CPQ: variants seen among roughly 807,000 people sequenced by gnomAD.
The protein encoded by CPQ is carboxypeptidase Q.
A neutral mutation model predicts 45.7 loss-of-function variants in CPQ; 37 were observed. That is an observed-to-expected ratio of 0.81 (90% CI 0.62 to 1.07). CPQ has a LOEUF of 1.07. CPQ is among the 50% of genes least tolerant of loss of function. The probability of loss-of-function intolerance (pLI) is 0.00; values close to 1 mark genes in which losing one functional copy is unlikely to be tolerated. For missense variants in CPQ, 537 were observed against 572.9 expected (o/e 0.94, Z 0.64); for synonymous variants, 186 against 205.8 (o/e 0.90, Z 0.82).
chr8:96,809,639 AT>A (rs1811133264), intron 2 of CPQ, among the ~76,000 whole-genome samples: 1 of 152,146 alleles, frequency 6.6e-6, no homozygotes, highest in South Asian at 2.1e-4. Context: ...AGTAATGGAA[AT>A]ATTCTATCTC....
chr8:97,127,284 C>G lies in CPQ; in HGVS notation c.1256-15736C>G, dbSNP rs1445507048. Among the ~76,000 whole-genome samples, 5 of 152,202 alleles carry G rather than the reference C, an allele frequency of 3.3e-5. 1 individual carries two copies. The highest frequency in any genetic ancestry group is 1.2e-4 in the African/African-American group (5 of 41,546). On this transcript the variant is annotated intron_variant, in intron 7 of 7. Transcript: ENST00000220763. ...CAAAGGACTTGTAACTCTCACAACT[C>G]AATTAAAAGGAGACTAACAAGAAAA... is the stretch of plus-strand genomic sequence containing the variant.
intron 1 of CPQ, among the ~76,000 whole-genome samples, chr8:96,734,473 A>C (rs766620850): frequency 2.0e-5 from 3 of 152,148 alleles, no homozygotes; most frequent in Non-Finnish European, 4.4e-5. Context: ...GCACTTTGGG[A>C]GGCCCAGGCG....
intron 4 of CPQ, among the ~76,000 whole-genome samples, chr8:96,911,683 A>G (rs950918825): frequency 2.0e-5 from 3 of 152,176 alleles, no homozygotes; most frequent in Admixed American, 2.0e-4. Context: ...TGGCAACAAA[A>G]CTAAATCTTT....
intron 7 of CPQ, among the ~76,000 whole-genome samples, chr8:97,068,934 C>T (rs1178284876): frequency 6.6e-6 from 1 of 152,210 alleles, no homozygotes; most frequent in Non-Finnish European, 1.5e-5. Context: ...GTCTGGAATG[C>T]TGAGAAGCCT....
chr8:96,708,870 C>G (rs1441895044), intron 1 of CPQ, among the ~76,000 whole-genome samples: 1 of 152,126 alleles, frequency 6.6e-6, no homozygotes, highest in Non-Finnish European at 1.5e-5. Flanking sequence ...GGGAATTCTT[C>G]TTTATCACCC....
intron 3 of CPQ, among the ~76,000 whole-genome samples, chr8:96,836,150 C>T (rs116708225): frequency 0.03 from 4,492 of 152,030 alleles, 231 homozygotes; most frequent in African/African-American, 0.1. Context: ...TTTGGGTCTC[C>T]GGATTGGATT....
chr8:97,031,189 T>G (rs111862794), intron 6 of CPQ, among the ~76,000 whole-genome samples: 1 of 9,710 alleles, frequency 1.0e-4, no homozygotes, highest in South Asian at 1.5e-3. Context: ...AGAACTATTC[T>G]TTTTTTTTTT....
At chr8:96,853,016 GTCTTAAT>G (rs1179949854) in intron 3 of CPQ, among the ~76,000 whole-genome samples, 6 of 152,202 alleles carry the variant, frequency 3.9e-5, no homozygotes, top group Non-Finnish European at 8.8e-5. Flanking sequence ...ATTTGAAGAA[GTCTTAAT>G]TGTGAGCCCT....
chr8:97,142,411 G>A (rs11995352), intron 7 of CPQ, among the ~76,000 whole-genome samples: 35,323 of 152,102 alleles, frequency 0.23, 4,675 homozygotes, highest in East Asian at 0.62. Context: ...GGTGCCCTTG[G>A]AGGTTGCTGG....
intron 4 of CPQ, among the ~76,000 whole-genome samples, chr8:96,905,760 CA>C (rs747470074): frequency 0.041 from 2,641 of 64,892 alleles, 36 homozygotes; most frequent in Middle Eastern, 0.13. Flanking sequence ...CTGTCTTAAC[CA>C]AAAAAAAAAA....
chr8:96,834,103 A>G (rs1225626202), intron 2 of CPQ, among the ~76,000 whole-genome samples: 3 of 152,058 alleles, frequency 2.0e-5, no homozygotes, highest in Non-Finnish European at 2.9e-5. Flanking sequence ...GTTGCCAAAT[A>G]TTTTTTCCCT....
chr8:96,813,661 G>A (rs911560118), intron 2 of CPQ, among the ~76,000 whole-genome samples: 1 of 152,104 alleles, frequency 6.6e-6, no homozygotes. Context: ...GAGTCTTGCA[G>A]TCAAACTGGC....
intron 4 of CPQ, among the ~76,000 whole-genome samples, chr8:96,898,051 CGTT>C (rs71569190): frequency 0.47 from 71,736 of 151,550 alleles, 17,483 homozygotes; most frequent in East Asian, 0.63. Flanking sequence ...GGCTTGAGAA[CGTT>C]GTTTTTGTCT....
intron 1 of CPQ, among the ~76,000 whole-genome samples, chr8:96,695,489 C>T (rs568829259): frequency 2.6e-4 from 40 of 152,072 alleles, no homozygotes; most frequent in African/African-American, 9.6e-4. Flanking sequence ...AAACTACCAT[C>T]AGAGTGAACA....
intron 1 of CPQ, among the ~76,000 whole-genome samples, chr8:96,668,232 A>G (rs1808953501): frequency 6.6e-6 from 1 of 152,210 alleles, no homozygotes; most frequent in Non-Finnish European, 1.5e-5. Flanking sequence ...TCATTTATTC[A>G]GTCAACAAAT....
chr8:96,763,664 GA>G (rs2130793613), intron 1 of CPQ, among the ~76,000 whole-genome samples: 1 of 151,888 alleles, frequency 6.6e-6, no homozygotes, highest in South Asian at 2.1e-4. Context: ...CTCATATCCA[GA>G]ATATATAAAA....
chr8:96,996,682 TA>T (rs1206017910), intron 5 of CPQ, among the ~76,000 whole-genome samples: 1 of 152,106 alleles, frequency 6.6e-6, no homozygotes, highest in Non-Finnish European at 1.5e-5. Flanking sequence ...AATTATTTTA[TA>T]ATTGGTTCCT....
chr8:97,142,700 ATTTTTAG>A (rs1563593356), intron 7 of CPQ, among the ~76,000 whole-genome samples: 1 of 152,202 alleles, frequency 6.6e-6, no homozygotes, highest in Non-Finnish European at 1.5e-5. Context: ...CCACTCTGCC[ATTTTTAG>A]TTTAGGGGCT....
chr8:97,092,456 A>G (rs1586537329), intron 7 of CPQ: 2 of 152,310 alleles, frequency 1.3e-5, no homozygotes, highest in East Asian at 3.9e-4. Context: ...ATGGCATGTT[A>G]CGGGTACAAA....
Sources: gnomAD v4.1 joint callset for allele counts (sites outside exome capture counted in the v4.1 genomes callset) on GRCh38, gnomAD v4.1.1 for gene constraint, MANE v1.5 for transcripts, NCBI Gene and HGNC (gene_info 2026-07-23, HGNC 2026-07-21) for gene names.